The following TBC1D8B variants were observed in gnomAD, a reference collection of about 807,000 sequenced individuals.
TBC1D8B encodes the protein TBC1 domain family member 8B.
TBC1D8B carries 75 observed loss-of-function variants against 82.9 expected under a neutral mutation model. The observed-to-expected ratio is 0.90, with a 90% CI of 0.75 to 1.10. The LOEUF is 1.10. Among genes scored for constraint, TBC1D8B ranks in the 50% least tolerant of loss-of-function variants. The pLI, the probability that TBC1D8B is intolerant of heterozygous loss-of-function variation, is 0.00. For missense variants in TBC1D8B, 794 were observed against 796.9 expected (o/e 1.00, Z 0.04); for synonymous variants, 276 against 276.8 (o/e 1.00, Z 0.03).
intron 10 of TBC1D8B, among the ~76,000 whole-genome samples, chrX:106,846,357 C>T (rs1036751091): frequency 9.4e-6 from 1 of 106,068 alleles, no homozygotes; most frequent in African/African-American, 3.5e-5. Flanking sequence ...ATCCACCCAC[C>T]TCGGCCTCCC....
At chrX:106,846,730 C>A (rs1321379485) in intron 10 of TBC1D8B, among the ~76,000 whole-genome samples, 2 of 110,944 alleles carry the variant, frequency 1.8e-5, no homozygotes, top group Non-Finnish European at 3.8e-5. Context: ...AAACAGTGTA[C>A]TAGATTAGGC....
intron 1 of TBC1D8B, among the ~76,000 whole-genome samples, chrX:106,805,250 G>T (rs1388555818): frequency 9.4e-6 from 1 of 106,641 alleles, no homozygotes; most frequent in Non-Finnish European, 1.9e-5. Flanking sequence ...CACTAAGCCT[G>T]GCTAATTTCT....
intron 14 of TBC1D8B, among the ~76,000 whole-genome samples, chrX:106,856,724 T>C (rs1267585944): frequency 8.9e-6 from 1 of 111,943 alleles, no homozygotes; most frequent in Non-Finnish European, 1.9e-5. Flanking sequence ...TGAAATCTGG[T>C]AAGGCTTTTA....
chrX:106,857,367 G>A (rs1202213488), intron 14 of TBC1D8B, among the ~76,000 whole-genome samples: 3 of 110,893 alleles, frequency 2.7e-5, no homozygotes, highest in Non-Finnish European at 5.7e-5. Flanking sequence ...TGACTAGGCT[G>A]GTCTCAAACT....
chrX:106,803,718 C>G (rs376428695), intron 1 of TBC1D8B, among the ~76,000 whole-genome samples: 2 of 111,734 alleles, frequency 1.8e-5, no homozygotes, highest in East Asian at 5.6e-4. Flanking sequence ...TTTAACTCTT[C>G]CTGTCTAACC....
In TBC1D8B at chrX:106,840,103, G is replaced by A. The variant is rs771396487; in HGVS notation, c.1409G>A (p.Arg470His). Residue 470 changes from arginine to histidine, a missense_variant, in exon 9 of 21, where the codon CGT becomes CAT. Arg to His is a conservative substitution (Grantham distance 29). Transcript: ENST00000357242. ...AAAATACTGTTTGCAGAATGTGGACGTGGTGTTAGTATGTTTCGAACCAAA... is the reference window on the plus strand; with the variant it reads ...AAAATACTGTTTGCAGAATGTGGACATGGTGTTAGTATGTTTCGAACCAAA... ...SWKILFAECG[R>H]GVSMFRTKKT... 12 of 1,207,669 alleles carry A rather than the reference G, an allele frequency of 9.9e-6. No homozygotes were observed. The highest frequency in any genetic ancestry group is 2.3e-4 in the Middle Eastern group (1 of 4,370).
chrX:106,827,297 G>A lies in TBC1D8B; in HGVS notation c.1163G>A (p.Cys388Tyr). 1 of 1,210,988 alleles carries A rather than the reference G, an allele frequency of 8.3e-7. No homozygotes were observed. Among genetic ancestry groups the A allele is most frequent in the Non-Finnish European group, 1.1e-6 (1 of 895,068 alleles). Reference protein sequence around the residue: ...EQLVAKLRLRCGAASTQYHDI... With the variant: ...EQLVAKLRLRYGAASTQYHDI... Reference sequence around the variant, plus strand: ...CTGGTAGCAAAACTCAGGCTCAGATGCGGAGCAGCTTCAACTCAATATCAT... The same window carrying A: ...CTGGTAGCAAAACTCAGGCTCAGATACGGAGCAGCTTCAACTCAATATCAT... The change falls in exon 7 of 21, where the codon TGC becomes TAC. Residue 388 changes from cysteine to tyrosine, a missense_variant. Coordinates refer to ENST00000357242, the MANE Select transcript of TBC1D8B (RefSeq NM_017752.3).
intron 1 of TBC1D8B, among the ~76,000 whole-genome samples, chrX:106,805,692 T>C (rs1429058654): frequency 8.9e-6 from 1 of 112,158 alleles, no homozygotes; most frequent in Non-Finnish European, 1.9e-5. Flanking sequence ...AAAGAGGTGC[T>C]TTTAAGGTTC....
intron 12 of TBC1D8B, among the ~76,000 whole-genome samples, chrX:106,851,879 G>A (rs1410056437): frequency 1.8e-5 from 2 of 111,634 alleles, no homozygotes; most frequent in African/African-American, 3.3e-5. Context: ...AAACATATGT[G>A]TGCATGTGTC....
intron 1 of TBC1D8B, among the ~76,000 whole-genome samples, chrX:106,812,745 G>T (rs1203397047): frequency 8.9e-6 from 1 of 111,896 alleles, no homozygotes; most frequent in Non-Finnish European, 1.9e-5. Context: ...GAAATTTGCA[G>T]GTGTCTAAAT....
rs751307289 is a variant in TBC1D8B, at chrX:106,820,992, A to G, written c.357A>G (p.Ile119Met). ...TTACTAATTTTGTACAAGGAAAAAT[A>G]AGAGTAAGTGGCACGGATATATCTT... Reference protein sequence around the residue: ...EDITNFVQGKIRGLIAEEGKH... With the variant: ...EDITNFVQGKMRGLIAEEGKH... Residue 119 changes from isoleucine to methionine, a missense_variant, in exon 3 of 21, where the codon ATA becomes ATG. Ile to Met is a conservative substitution (Grantham distance 10). Transcript: ENST00000357242. 9.1e-7 allele frequency: 1 copy of G among 1,094,848 alleles called. No individual in the cohort carries two copies. Among genetic ancestry groups the G allele is most frequent in the Non-Finnish European group, 1.2e-6 (1 of 805,659 alleles). 90.2% of individuals were successfully genotyped at this position (1,094,848 alleles called of 1,213,427 possible).
intron 2 of TBC1D8B, among the ~76,000 whole-genome samples, chrX:106,819,793 AT>A (rs200749497): frequency 9.1e-6 from 1 of 110,344 alleles, no homozygotes; most frequent in South Asian, 3.8e-4. Flanking sequence ...AGTAAAAATT[AT>A]TTTTTTTAAA....
intron 10 of TBC1D8B, among the ~76,000 whole-genome samples, chrX:106,844,729 G>C (rs1932396465): frequency 1.8e-5 from 2 of 108,891 alleles, no homozygotes; most frequent in African/African-American, 6.7e-5. Context: ...GTCTACTTTG[G>C]GTGTCTAGGT....
At chrX:106,841,312 G>A (rs927884266) in intron 10 of TBC1D8B, among the ~76,000 whole-genome samples, 5 of 111,829 alleles carry the variant, frequency 4.5e-5, no homozygotes, top group African/African-American at 6.5e-5. Context: ...GTCAGAGAAG[G>A]CTTCGTGGAA....
At chrX:106,854,155 G>A (rs367619265) in intron 13 of TBC1D8B, 43 bp from the exon 14 acceptor site, 83 of 909,531 alleles carry the variant, frequency 9.1e-5, no homozygotes, top group Non-Finnish European at 1.2e-4. Flanking sequence ...AAAAGTGGAT[G>A]TTTATTATGA....
chrX:106,821,770 C>T (rs1931700478), intron 3 of TBC1D8B, among the ~76,000 whole-genome samples: 1 of 111,741 alleles, frequency 8.9e-6, no homozygotes, highest in Non-Finnish European at 1.9e-5. Context: ...GTCTTCGGTG[C>T]ATGGCAAATT....
Position 106,870,803 on chromosome X carries a change from GA to G in TBC1D8B, c.2959del (p.Met987Ter), listed in dbSNP as rs1402578997. The G allele has an allele frequency of 8.4e-7, 1 of 1,189,429 alleles. No individual in the cohort carries two copies. Among genetic ancestry groups the G allele is most frequent in the East Asian group, 3.0e-5 (1 of 33,478 alleles). ...GAAGAAAACATTAAGGATTTACCAAGAATGAATCAGGTATAGCATTTTTAAA... is the reference window on the plus strand; with the variant it reads ...GAAGAAAACATTAAGGATTTACCAAGATGAATCAGGTATAGCATTTTTAAA... ...KKEENIKDLP[R>X]MNQSQFIQFS... is the part of the protein sequence containing the mutation. On this transcript the variant is annotated frameshift_variant, in exon 20 of 21. Coordinates refer to ENST00000357242, the MANE Select transcript of TBC1D8B (RefSeq NM_017752.3). LOFTEE classifies it high-confidence loss of function.
At chrX:106,857,056 T>G (rs1932712099) in intron 14 of TBC1D8B, among the ~76,000 whole-genome samples, 1 of 111,914 alleles carries the variant, frequency 8.9e-6, no homozygotes, top group African/African-American at 3.2e-5. Flanking sequence ...TGACCCTTCC[T>G]AACATTTATA....
intron 12 of TBC1D8B, among the ~76,000 whole-genome samples, chrX:106,850,523 T>G (rs959369186): frequency 8.9e-6 from 1 of 111,895 alleles, no homozygotes; most frequent in Admixed American, 9.5e-5. Flanking sequence ...ACCACTAAAT[T>G]ATGTACACAT....
Sources: allele counts gnomAD v4.1 joint callset (sites outside exome capture counted in the v4.1 genomes callset), GRCh38; gene constraint gnomAD v4.1.1; transcripts MANE v1.5; gene names NCBI Gene and HGNC (gene_info 2026-07-23, HGNC 2026-07-21).